The following SLC47A1 variants were observed in gnomAD, a reference collection of about 807,000 sequenced individuals.
SLC47A1 encodes multidrug and toxin extrusion protein 1.
Under a neutral mutation model 65.8 loss-of-function variants are expected in SLC47A1, and 58 were observed. The observed-to-expected ratio is 0.88, with a 90% confidence interval of 0.71 to 1.10. SLC47A1 has a LOEUF of 1.10. Among genes scored for constraint, SLC47A1 ranks in the 50% least tolerant of loss-of-function variants. The pLI is 0.00. For synonymous variants in SLC47A1, 285 were observed against 295.0 expected, an observed-to-expected ratio of 0.97 and a Z score of 0.35; for missense variants, 706 against 719.2, an observed-to-expected ratio of 0.98 and a Z score of 0.21.
intron 1 of SLC47A1, among the ~76,000 whole-genome samples, chr17:19,538,349 G>A (rs1207426666): frequency 6.6e-6 from 1 of 152,224 alleles, no homozygotes; most frequent in Non-Finnish European, 1.5e-5. Context: ...GCCTGCTCTC[G>A]TGATGGCAGG....
chr17:19,548,050 C>G lies in SLC47A1; in HGVS notation c.372C>G (p.Leu124=). The change falls in exon 4 of 17, where the codon CTC becomes CTG. Residue 124 remains leucine (L), a synonymous_variant. Coordinates refer to ENST00000270570, the MANE Select transcript of SLC47A1 (RefSeq NM_018242.3). ...TGCAGCGGAGTGCGCTCGTCCTGCT[C>G]CTCTGCTGCTTCCCCTGCTGGGCGC... is the stretch of plus-strand genomic sequence containing the variant. The part of the protein sequence containing the change: ...VILQRSALVL[L]LCCFPCWALF... 6.2e-7 allele frequency: 1 copy of G among 1,614,142 alleles called. No individual in the cohort carries two copies. Among genetic ancestry groups the G allele is most frequent in the Non-Finnish European group, 8.5e-7 (1 of 1,180,028 alleles).
chr17:19,542,525 A>G (rs1196553553), intron 2 of SLC47A1, 31 bp downstream of exon 2: 2 of 1,551,098 alleles, frequency 1.3e-6, no homozygotes, highest in African/African-American at 1.4e-5. Context: ...AGGTTTACCA[A>G]CACTGTCTGT....
chr17:19,563,299 A>G (rs867750451), intron 12 of SLC47A1, among the ~76,000 whole-genome samples: 14 of 151,668 alleles, frequency 9.2e-5, no homozygotes, highest in African/African-American at 3.1e-4. Context: ...CGCTCGGCTA[A>G]TTTTTTGTAT....
At chr17:19,568,259 T>G (rs567671149) in intron 14 of SLC47A1, among the ~76,000 whole-genome samples, 1 of 152,200 alleles carries the variant, frequency 6.6e-6, no homozygotes, top group African/African-American at 2.4e-5. Flanking sequence ...ATATTTTAAT[T>G]AAAAATACAG....
Position 19,560,258 on chromosome 17 carries a change from A to G in SLC47A1, c.992A>G (p.Gln331Arg). Reference sequence around the variant, plus strand: ...GCTCTGGGTGCTGGAGACATGGAGCAGGCACGGAAGTCCTCTACCGTTTCC... The same window carrying G: ...GCTCTGGGTGCTGGAGACATGGAGCGGGCACGGAAGTCCTCTACCGTTTCC... ...GNALGAGDME[Q>R]ARKSSTVSLL... Residue 331 changes from glutamine to arginine, a missense_variant, in exon 11 of 17, where the codon CAG (glutamine) becomes CGG (arginine). Physicochemically the swap from Gln to Arg is conservative, Grantham distance 43. Coordinates refer to ENST00000270570, the MANE Select transcript of SLC47A1 (RefSeq NM_018242.3). 1.2e-6 allele frequency: 2 copies of G among 1,613,882 alleles called. No homozygotes were observed. Among genetic ancestry groups the G allele is most frequent in the Non-Finnish European group, 1.7e-6 (2 of 1,179,976 alleles).
intron 6 of SLC47A1, among the ~76,000 whole-genome samples, chr17:19,552,425 G>A (rs1916476687): frequency 6.6e-6 from 1 of 152,068 alleles, no homozygotes; most frequent in Non-Finnish European, 1.5e-5. Context: ...GTGTAGACTA[G>A]AGAGAAGGAA....
Position 19,555,277 on chromosome 17 carries a change from T to C in SLC47A1, c.609T>C (p.Tyr203=). 1 of 1,614,220 alleles carries C rather than the reference T, an allele frequency of 6.2e-7. No individual in the cohort carries two copies. The highest frequency in any genetic ancestry group is 1.1e-5 in the South Asian group (1 of 91,086). ...AANLVNALAN[Y]LFLHQLHLGV... is the part of the protein sequence containing the mutation. ...ACCTTGTCAATGCCCTCGCCAACTA[T>C]CTGTTTCTCCATCAACTGCATCTTG... Residue 203 remains tyrosine (Y), a synonymous_variant, in exon 7 of 17, where the codon TAT becomes TAC. Transcript: ENST00000270570.
At position 19,534,016 on chromosome 17, in the gene SLC47A1, T is replaced by A. The variant is rs1200085369; in HGVS notation, c.77T>A (p.Leu26Ter). 1 of 1,545,520 alleles carries A rather than the reference T, an allele frequency of 6.5e-7. No homozygotes were observed. The highest frequency in any genetic ancestry group is 1.4e-5 in the African/African-American group (1 of 71,998). Residue 26 changes from leucine (L) to a stop codon, truncating the protein, a stop_gained, in exon 1 of 17, where the codon TTG becomes TAG. Transcript: ENST00000270570. LOFTEE classifies it high-confidence loss of function. ...ATLEVRGSRC[L>*]RLSAFREELR... is the part of the protein sequence containing the mutation. ...CTTGAGGTCCGTGGGTCGCGCTGCT[T>A]GCGGCTGTCCGCCTTCCGAGAAGAG... is the stretch of plus-strand genomic sequence containing the variant.
Position 19,567,090 on chromosome 17 carries a change from C to A in SLC47A1, c.1177-6C>A. Reference sequence around the variant, plus strand: ...TTCACAGTGATGGAATGCTCTCTGCCTGCAGTGCACGAGTGGTGGTGTTCT... The same window carrying A: ...TTCACAGTGATGGAATGCTCTCTGCATGCAGTGCACGAGTGGTGGTGTTCT... On this transcript the variant is annotated splice_region_variant and splice_polypyrimidine_tract_variant and intron_variant, in intron 13 of 16. Transcript: ENST00000270570. The A allele has an allele frequency of 6.2e-7, 1 of 1,614,196 alleles. No individual in the cohort carries two copies.
chr17:19,535,678 C>T (rs1188766106), intron 1 of SLC47A1: 3 of 152,312 alleles, frequency 2.0e-5, no homozygotes, highest in African/African-American at 7.2e-5. Flanking sequence ...GCAGGAGAAC[C>T]GCTTGAACCC....
At chr17:19,550,546 G>A (rs569791765) in intron 5 of SLC47A1, among the ~76,000 whole-genome samples, 13 of 152,126 alleles carry the variant, frequency 8.5e-5, no homozygotes, top group East Asian at 7.7e-4. Flanking sequence ...AAACTCCTGC[G>A]TTCAAGCAAT....
Position 19,533,972 on chromosome 17 carries a change from C to T in SLC47A1, c.33C>T (p.Arg11=), listed in dbSNP as rs755902763. 64 of 1,536,482 alleles carry T rather than the reference C, an allele frequency of 4.2e-5. No individual in the cohort carries two copies. The East Asian group carries it at 1.6e-3, about 38-fold the overall frequency. The change falls in exon 1 of 17, where the codon CGC becomes CGT. Residue 11 remains arginine (R), a synonymous_variant. Transcript: ENST00000270570. MEAPEEPAPV[R]GGPEATLEVR... ...CTCCTGAGGAGCCCGCGCCAGTGCG[C>T]GGAGGCCCGGAGGCCACCCTTGAGG...
intron 4 of SLC47A1, 47 bp from the exon 5 acceptor site, chr17:19,549,586 CAG>C: frequency 6.4e-7 from 1 of 1,572,534 alleles, no homozygotes; most frequent in Non-Finnish European, 8.7e-7. Context: ...TCCCTGGAAA[CAG>C]AGGCCTCCAT....
At chr17:19,540,874 ACACC>A (rs919826368) in intron 1 of SLC47A1, among the ~76,000 whole-genome samples, 4 of 151,220 alleles carry the variant, frequency 2.6e-5, no homozygotes, top group African/African-American at 9.8e-5. Flanking sequence ...ACACACACAC[ACACC>A]CCTAGGGTTA....
chr17:19,549,544 G>A, intron 4 of SLC47A1, 91 bp from the exon 5 acceptor site: 3 of 1,332,140 alleles, frequency 2.3e-6, no homozygotes, highest in South Asian at 1.2e-5. Flanking sequence ...GAATGGAAAA[G>A]GCAGTTTTAG....
intron 12 of SLC47A1, among the ~76,000 whole-genome samples, chr17:19,561,039 C>T (rs567165397): frequency 6.6e-6 from 1 of 151,984 alleles, no homozygotes; most frequent in East Asian, 1.9e-4. Context: ...GGCAGATCAC[C>T]TGAGGTCAGG....
At chr17:19,537,841 C>T (rs1189281077) in intron 1 of SLC47A1, among the ~76,000 whole-genome samples, 1 of 152,314 alleles carries the variant, frequency 6.6e-6, no homozygotes, top group East Asian at 1.9e-4. Context: ...ACCCAGCCTC[C>T]TTTCAGTGCC....
At chr17:19,550,593 G>A (rs1440704631) in intron 5 of SLC47A1, among the ~76,000 whole-genome samples, 3 of 152,236 alleles carry the variant, frequency 2.0e-5, no homozygotes, top group Admixed American at 6.5e-5. Flanking sequence ...TGGGTTGCAT[G>A]TGTGAGCCAC....
intron 1 of SLC47A1, among the ~76,000 whole-genome samples, chr17:19,538,482 C>T (rs1012363255): frequency 6.6e-6 from 1 of 152,236 alleles, no homozygotes; most frequent in Non-Finnish European, 1.5e-5. Flanking sequence ...ATGTACATTG[C>T]TTTTGCACCA....
Sources: gnomAD v4.1 joint callset for allele counts (sites outside exome capture counted in the v4.1 genomes callset) on GRCh38, gnomAD v4.1.1 for gene constraint, MANE v1.5 for transcripts, NCBI Gene and HGNC (gene_info 2026-07-23, HGNC 2026-07-21) for gene names.